EPHA10: variants seen among roughly 807,000 people sequenced by gnomAD.
EPHA10 encodes EPH receptor A10.
EPHA10 carries 120 observed loss-of-function variants against 109.7 expected under a neutral mutation model. That is an observed-to-expected ratio of 1.09 (90% CI 0.94 to 1.27). The LOEUF (loss-of-function observed/expected upper bound fraction) is 1.27, where lower values mean the gene tolerates loss of function less well. Among genes scored for constraint, EPHA10 ranks in the 50% most tolerant of loss-of-function variants. The pLI, the probability that EPHA10 is intolerant of heterozygous loss-of-function variation, is 0.00. For synonymous variants in EPHA10, 640 were observed against 618.9 expected (o/e 1.03, Z -0.51); for missense variants, 1,396 against 1,411.1 (o/e 0.99, Z 0.17).
intron 6 of EPHA10, among the ~76,000 whole-genome samples, chr1:37,732,860 GTTCTTTTTTTTTTTTTTTTTT>G (rs1557541376): frequency 7.8e-5 from 2 of 25,792 alleles, no homozygotes; most frequent in African/African-American, 3.0e-4. Flanking sequence ...TTTTATACTT[GTTCTTTTTTTTTTTTTTTTTT>G]TTTTTTTTTT....
rs202083700 is a variant in EPHA10, at chr1:37,720,422, C to T, written c.2341G>A (p.Asp781Asn). The T allele has an allele frequency of 4.0e-5, 65 of 1,613,390 alleles. No homozygotes were observed. The highest frequency in any genetic ancestry group is 5.2e-5 in the Non-Finnish European group (61 of 1,180,006). The stretch of plus-strand genomic sequence containing the variant: ...AAGCCAGAGATCTTGCAGACAAGGT[C>T]GCTGCTGACCAGCACATGGCGAGCT... Reference protein sequence around the residue: ...LAARHVLVSSDLVCKISGFGR... With the variant: ...LAARHVLVSSNLVCKISGFGR... The change falls in exon 13 of 17, where the codon GAC (aspartate) becomes AAC (asparagine). Residue 781 changes from aspartate to asparagine, a missense_variant. Transcript: ENST00000373048.
intron 5 of EPHA10, among the ~76,000 whole-genome samples, chr1:37,743,157 A>C (rs1219295157): frequency 6.6e-6 from 1 of 152,170 alleles, no homozygotes; most frequent in Non-Finnish European, 1.5e-5. Context: ...AGAACAAGTA[A>C]ACAGAAAATA....
At chr1:37,719,327 G>A (rs1204139607) in intron 15 of EPHA10, 87 bp downstream of exon 15, 3 of 1,431,246 alleles carry the variant, frequency 2.1e-6, no homozygotes, top group African/African-American at 1.4e-5. Flanking sequence ...CAGGTGGGGT[G>A]GTGGAGGCGG....
chr1:37,729,345 G>GTTT (rs1645943818), intron 7 of EPHA10, among the ~76,000 whole-genome samples: 1 of 152,190 alleles, frequency 6.6e-6, no homozygotes, highest in Non-Finnish European at 1.5e-5. Flanking sequence ...AATATTTGTT[G>GTTT]TTTTCACCTG....
chr1:37,760,609 T>G, intron 3 of EPHA10: 1 of 253,014 alleles, frequency 4.0e-6, no homozygotes, highest in Non-Finnish European at 7.1e-6. Context: ...CCAATCCCAC[T>G]AGCCTGAAGA....
chr1:37,744,934 A>T (rs568873209), intron 5 of EPHA10, among the ~76,000 whole-genome samples: 1 of 152,366 alleles, frequency 6.6e-6, no homozygotes, highest in East Asian at 1.9e-4. Context: ...CATGAAAAGA[A>T]GAATTTGAAC....
Position 37,720,558 on chromosome 1 carries a change from T to G in EPHA10, c.2209-4A>C, listed in dbSNP as rs1315461050. On this transcript the variant is annotated splice_polypyrimidine_tract_variant and splice_region_variant and intron_variant, in intron 12 of 16. Coordinates refer to ENST00000373048, the MANE Select transcript of EPHA10 (RefSeq NM_001099439.2). ...CCACCAGCTGCCCCTCGTGCCGCTGTGGAGGGAGAAGACTGAGGCCAGGGC... is the reference window on the plus strand; with the variant it reads ...CCACCAGCTGCCCCTCGTGCCGCTGGGGAGGGAGAAGACTGAGGCCAGGGC... The G allele has an allele frequency of 6.2e-7, 1 of 1,607,624 alleles. No homozygotes were observed. Among genetic ancestry groups the G allele is most frequent in the Non-Finnish European group, 8.5e-7 (1 of 1,177,356 alleles).
chr1:37,719,088 T>A, intron 15 of EPHA10: 1 of 594,988 alleles, frequency 1.7e-6, no homozygotes, highest in South Asian at 2.1e-5. Context: ...GGTTGGTGAC[T>A]CATATTGGGA....
chr1:37,739,031 T>C (rs1646113481), intron 5 of EPHA10, among the ~76,000 whole-genome samples: 1 of 152,004 alleles, frequency 6.6e-6, no homozygotes, highest in South Asian at 2.1e-4. Context: ...GGGATAGCAG[T>C]AGGAGAAATA....
chr1:37,753,153 C>T lies in EPHA10; in HGVS notation c.1080G>A (p.Leu360=). ...AGCGGCCTCCCGAGTCGGCCGGCGG[C>T]AGCCAGCGCAGTCGCAGCACCAGCG... ...RSPLVLRLRW[L]PPADSGGRSD... is the part of the protein sequence containing the mutation. Residue 360 remains leucine, a synonymous_variant, in exon 5 of 17, where the codon CTG becomes CTA. Coordinates refer to ENST00000373048, the MANE Select transcript of EPHA10 (RefSeq NM_001099439.2). 7.1e-7 allele frequency: 1 copy of T among 1,407,236 alleles called. No individual in the cohort carries two copies. Among genetic ancestry groups the T allele is most frequent in the South Asian group, 1.5e-5 (1 of 67,302 alleles). 87.2% of individuals were successfully genotyped at this position (1,407,236 alleles called of 1,614,324 possible).
chr1:37,756,090 C>G (rs886353222), intron 3 of EPHA10, among the ~76,000 whole-genome samples: 4 of 152,100 alleles, frequency 2.6e-5, no homozygotes, highest in Non-Finnish European at 4.4e-5. Context: ...AGCCCAGGAG[C>G]CTTCAGAAGT....
At chr1:37,753,298 G>A in intron 4 of EPHA10, 72 bp from the exon 5 acceptor site, 3 of 932,020 alleles carry the variant, frequency 3.2e-6, no homozygotes, top group Non-Finnish European at 4.2e-6. Context: ...ATGCACGAGG[G>A]GGGGGCGGGG....
intron 8 of EPHA10, among the ~76,000 whole-genome samples, chr1:37,724,177 G>A (rs999621179): frequency 2.0e-5 from 3 of 152,204 alleles, no homozygotes; most frequent in Non-Finnish European, 2.9e-5. Context: ...CAGAGGACTC[G>A]AGTGACATGA....
At chr1:37,747,909 CA>C (rs1356758908) in intron 5 of EPHA10, among the ~76,000 whole-genome samples, 2 of 152,032 alleles carry the variant, frequency 1.3e-5, no homozygotes, top group Non-Finnish European at 2.9e-5. Context: ...ACAGAAATCA[CA>C]AGCATACAAC....
chr1:37,731,609 C>T, intron 6 of EPHA10, 27 bp from the exon 7 acceptor site: 64 of 1,578,380 alleles, frequency 4.1e-5, no homozygotes, highest in Non-Finnish European at 5.5e-5. Context: ...AAGTGAAGCC[C>T]ACCAGCGCCA....
rs770333510 is a variant in EPHA10 at position 37,720,365 on chromosome 1, C to T, written c.2398G>A (p.Val800Ile). The T allele has an allele frequency of 1.3e-5, 21 of 1,608,714 alleles. No individual in the cohort carries two copies. Among genetic ancestry groups the T allele is most frequent in the Non-Finnish European group, 1.7e-5 (20 of 1,178,326 alleles). The stretch of plus-strand genomic sequence containing the variant: ...GGCGCCCTCACCATAGTGGTGTAGA[C>T]AGCCTCTGATCGGTCCCGGGGGCCC... ...GRGPRDRSEA[V>I]YTTMSGRSPA... Residue 800 changes from valine (V) to isoleucine (I), a missense_variant, in exon 13 of 17, where the codon GTC (valine) becomes ATC (isoleucine). Coordinates refer to ENST00000373048, the MANE Select transcript of EPHA10 (RefSeq NM_001099439.2).
rs780881616 is a variant in EPHA10, at chr1:37,762,005, G to T, written c.250C>A (p.Gln84Lys). 2.5e-6 allele frequency: 4 copies of T among 1,614,154 alleles called. No homozygotes were observed. Among genetic ancestry groups the T allele is most frequent in the Non-Finnish European group, 3.4e-6 (4 of 1,180,004 alleles). ...YQVCNVLEPN[Q>K]DNWLQTGWIS... is the part of the protein sequence containing the mutation. Reference sequence around the variant, plus strand: ...CAGCCAGTCTGCAGCCAGTTGTCCTGGTTGGGCTCCAGCACATTGCACACT... The same window carrying T: ...CAGCCAGTCTGCAGCCAGTTGTCCTTGTTGGGCTCCAGCACATTGCACACT... Residue 84 changes from glutamine to lysine, a missense_variant, in exon 3 of 17, where the codon CAG becomes AAG. Coordinates refer to ENST00000373048, the MANE Select transcript of EPHA10 (RefSeq NM_001099439.2).
chr1:37,744,574 C>T (rs980080823), intron 5 of EPHA10, among the ~76,000 whole-genome samples: 6 of 151,720 alleles, frequency 4.0e-5, no homozygotes, highest in South Asian at 2.1e-4. Context: ...GCAGGAGAAT[C>T]GCTTGAACCC....
Position 37,723,045 on chromosome 1 carries a change from T to A in EPHA10, c.1956A>T (p.Gly652=). The A allele has an allele frequency of 6.2e-7, 1 of 1,614,130 alleles. No individual in the cohort carries two copies. Among genetic ancestry groups the A allele is most frequent in the Non-Finnish European group, 8.5e-7 (1 of 1,180,036 alleles). ...AKSVTLERSL[G]GGRFGELCCG... is the part of the protein sequence containing the mutation. Reference sequence around the variant, plus strand: ...CTTCCTGGGCGCCCAGCTTGCCTCCTCCAAGGCTCCTCTCCAGCGTGACGC... The same window carrying A: ...CTTCCTGGGCGCCCAGCTTGCCTCCACCAAGGCTCCTCTCCAGCGTGACGC... Residue 652 remains glycine, a synonymous_variant, in exon 10 of 17, where the codon GGA becomes GGT. Transcript: ENST00000373048.
Sources: allele counts gnomAD v4.1 joint callset (sites outside exome capture counted in the v4.1 genomes callset), GRCh38; gene constraint gnomAD v4.1.1; transcripts MANE v1.5; gene names NCBI Gene and HGNC (gene_info 2026-07-23, HGNC 2026-07-21).